HPSE2: variants seen among roughly 807,000 people sequenced by gnomAD.
HPSE2 encodes heparanase 2 (inactive), also known as inactive heparanase-2.
Under a neutral mutation model 60.5 loss-of-function variants are expected in HPSE2, and 38 were observed. That is an observed-to-expected ratio of 0.63 (90% confidence interval 0.48 to 0.82). HPSE2 has a LOEUF of 0.82. HPSE2 is among the 40% of genes least tolerant of loss of function. The pLI is 0.00. For missense variants in HPSE2, 713 were observed against 740.4 expected (o/e 0.96, Z 0.43); for synonymous variants, 295 against 293.2 (o/e 1.01, Z -0.06).
chr10:98,943,422 C>T (rs1233555659), intron 3 of HPSE2, among the ~76,000 whole-genome samples: 1 of 151,848 alleles, frequency 6.6e-6, no homozygotes. Flanking sequence ...GCAATGGTTT[C>T]TGCAAAGATC....
intron 3 of HPSE2, among the ~76,000 whole-genome samples, chr10:99,036,831 T>C (rs1274358132): frequency 6.6e-6 from 1 of 152,202 alleles, no homozygotes; most frequent in African/African-American, 2.4e-5. Context: ...CCTCGTTTCA[T>C]GGGGTGAAGC....
At chr10:98,863,642 A>G (rs555267236) in intron 3 of HPSE2, among the ~76,000 whole-genome samples, 2 of 152,316 alleles carry the variant, frequency 1.3e-5, no homozygotes, top group Admixed American at 1.3e-4. Flanking sequence ...ACCTGCAATT[A>G]GTAAGACAGA....
At chr10:98,965,994 G>A (rs1000610374) in intron 3 of HPSE2, among the ~76,000 whole-genome samples, 6 of 152,068 alleles carry the variant, frequency 3.9e-5, no homozygotes, top group South Asian at 4.2e-4. Flanking sequence ...GGGCTTAAGC[G>A]ATTCTCCTGC....
chr10:99,090,372 A>C (rs183385193), intron 3 of HPSE2, among the ~76,000 whole-genome samples: 54 of 152,270 alleles, frequency 3.5e-4, no homozygotes, highest in African/African-American at 1.2e-3. Flanking sequence ...TACATAGTCC[A>C]TCCCCAATAA....
intron 9 of HPSE2, among the ~76,000 whole-genome samples, chr10:98,530,872 C>G (rs574365716): frequency 2.0e-5 from 3 of 152,110 alleles, no homozygotes; most frequent in African/African-American, 4.8e-5. Context: ...GTAGAGGGAC[C>G]CTCCACTGAG....
At chr10:98,838,600 C>CTT (rs747437378) in intron 3 of HPSE2, among the ~76,000 whole-genome samples, 2 of 141,766 alleles carry the variant, frequency 1.4e-5, no homozygotes, top group African/African-American at 2.6e-5. Context: ...AATTTTTTAA[C>CTT]TTTTTTTTTT....
intron 3 of HPSE2, among the ~76,000 whole-genome samples, chr10:98,989,404 C>A (rs1257649134): frequency 3.3e-5 from 5 of 151,396 alleles, no homozygotes; most frequent in Admixed American, 1.3e-4. Context: ...GGACAAAAAA[C>A]CAAACACTGC....
chr10:98,958,089 A>G (rs1303730400), intron 3 of HPSE2, among the ~76,000 whole-genome samples: 2 of 152,158 alleles, frequency 1.3e-5, no homozygotes, highest in Non-Finnish European at 2.9e-5. Context: ...AGCTGTTTAA[A>G]GATGGATCTA....
At chr10:98,812,348 G>C (rs1255694324) in intron 3 of HPSE2, among the ~76,000 whole-genome samples, 1 of 152,048 alleles carries the variant, frequency 6.6e-6, no homozygotes, top group East Asian at 1.9e-4. Flanking sequence ...GGGAAAGACA[G>C]GAATAAAGGG....
intron 9 of HPSE2, among the ~76,000 whole-genome samples, chr10:98,583,351 T>A (rs954922045): frequency 6.6e-6 from 1 of 152,254 alleles, no homozygotes; most frequent in African/African-American, 2.4e-5. Flanking sequence ...ACTCCCCCTC[T>A]GTAGAGTGTA....
intron 5 of HPSE2, among the ~76,000 whole-genome samples, chr10:98,694,924 C>T (rs1057260936): frequency 6.6e-6 from 1 of 152,204 alleles, no homozygotes; most frequent in Non-Finnish European, 1.5e-5. Flanking sequence ...GAGAAGCAAT[C>T]TTTAATGGTA....
intron 2 of HPSE2, among the ~76,000 whole-genome samples, chr10:99,186,982 T>A (rs1024631497): frequency 2.0e-5 from 3 of 151,892 alleles, no homozygotes; most frequent in African/African-American, 7.3e-5. Context: ...TGGAGTTTTG[T>A]CATGCTGCCC....
rs1461543034 is a variant in HPSE2 at position 99,184,803 on chromosome 10, T to C, written c.449-40404A>G. ...ATCCAAAATTATATATATATATATATATATATATATATATATAGAGAGAGA... is the reference window on the plus strand; with the variant it reads ...ATCCAAAATTATATATATATATATACATATATATATATATATAGAGAGAGA... On this transcript the variant is annotated intron_variant, in intron 2 of 11. Transcript: ENST00000370552. Among the ~76,000 whole-genome samples, 20 of 33,878 alleles carry C rather than the reference T, an allele frequency of 5.9e-4. 2 individuals carry two copies. The highest frequency in any genetic ancestry group is 3.9e-3 in the South Asian group (2 of 510). 22.2% of individuals were successfully genotyped at this position (33,878 alleles called of 152,430 possible).
chr10:99,166,017 T>C (rs1847067235), intron 2 of HPSE2, among the ~76,000 whole-genome samples: 2 of 152,216 alleles, frequency 1.3e-5, no homozygotes, highest in Admixed American at 1.3e-4. Flanking sequence ...TCTGTTTCTA[T>C]AGCTTTCTCT....
intron 5 of HPSE2, among the ~76,000 whole-genome samples, chr10:98,706,628 A>G (rs998066106): frequency 2.6e-5 from 4 of 152,196 alleles, no homozygotes; most frequent in African/African-American, 9.6e-5. Flanking sequence ...ATTGTCTACA[A>G]TGTTGAATAT....
At chr10:99,281,554 C>T in the HPSE2 span, among the ~76,000 whole-genome samples, 3 of 151,938 alleles carry the variant, frequency 2.0e-5, no homozygotes, top group Admixed American at 2.0e-4. Context: ...TTACTGCTCT[C>T]GTAATAGTAT....
At chr10:99,081,082 C>T (rs1843119123) in intron 3 of HPSE2, among the ~76,000 whole-genome samples, 1 of 152,190 alleles carries the variant, frequency 6.6e-6, no homozygotes, top group Non-Finnish European at 1.5e-5. Flanking sequence ...GGGTGAACCA[C>T]CACACCCGGC....
chr10:98,511,892 G>A (rs1219887599), intron 9 of HPSE2, among the ~76,000 whole-genome samples: 1 of 152,150 alleles, frequency 6.6e-6, no homozygotes, highest in Non-Finnish European at 1.5e-5. Context: ...TAAATGCTCC[G>A]AAGTGTGATG....
Position 98,721,652 on chromosome 10 carries a change from C to A in HPSE2, c.956+5G>T. On this transcript the variant is annotated splice_donor_5th_base_variant and intron_variant, in intron 5 of 11. Coordinates refer to ENST00000370552, the MANE Select transcript of HPSE2 (RefSeq NM_021828.5). ...TCATAAGAAAAGCTAAATAATCTGA[C>A]CTACCCATCTAGGAGGGCGATGACA... is the stretch of plus-strand genomic sequence containing the variant. The A allele has an allele frequency of 6.2e-7, 1 of 1,612,922 alleles. No homozygotes were observed. The highest frequency in any genetic ancestry group is 8.5e-7 in the Non-Finnish European group (1 of 1,179,468).
Sources: allele counts gnomAD v4.1 joint callset (sites outside exome capture counted in the v4.1 genomes callset), GRCh38; gene constraint gnomAD v4.1.1; transcripts MANE v1.5; gene names NCBI Gene and HGNC (gene_info 2026-07-23, HGNC 2026-07-21).